The following EIF5B variants were observed in gnomAD, a reference collection of about 807,000 sequenced individuals.
EIF5B encodes eIF-5B.
Under a neutral mutation model 147.5 loss-of-function variants are expected in EIF5B, and 47 were observed. The ratio of observed to expected loss-of-function variants is 0.32; its 90% confidence interval spans 0.25 to 0.41. The LOEUF (loss-of-function observed/expected upper bound fraction) is 0.41. Among genes scored for constraint, EIF5B ranks in the 10% least tolerant of loss-of-function variants. The probability of loss-of-function intolerance (pLI) is 1.00; values close to 1 mark genes in which losing one functional copy is unlikely to be tolerated. For synonymous variants in EIF5B, 455 were observed against 456.2 expected (o/e 1.00, Z 0.03); for missense variants, 1,064 against 1,413.2 (o/e 0.75, Z 3.96).
chr2:99,381,518 G>GTGTGTGTGTGTGTGT (rs797002764), intron 12 of EIF5B, among the ~76,000 whole-genome samples: 23 of 143,074 alleles, frequency 1.6e-4, no homozygotes, highest in African/African-American at 4.4e-4. Context: ...ACAAAAAGGG[G>GTGTGTGTGTGTGTGT]GTGTGTGTGT....
At chr2:99,375,497 G>A (rs1215115476) in intron 9 of EIF5B, among the ~76,000 whole-genome samples, 2 of 152,206 alleles carry the variant, frequency 1.3e-5, no homozygotes, top group Admixed American at 6.5e-5. Flanking sequence ...GTAACCCAAT[G>A]TCTGCTCACT....
intron 8 of EIF5B, 61 bp downstream of exon 8, chr2:99,369,542 A>ATAAAC (rs1674399396): frequency 7.2e-6 from 10 of 1,390,068 alleles, no homozygotes; most frequent in Non-Finnish European, 9.9e-6. Flanking sequence ...TTGGTGTGTC[A>ATAAAC]TAAGTTGTCT....
chr2:99,364,467 A>G (rs376955817), intron 6 of EIF5B, 46 bp downstream of exon 6: 1 of 1,503,958 alleles, frequency 6.6e-7, no homozygotes, highest in African/African-American at 1.4e-5. Flanking sequence ...AGCTCTGCAC[A>G]TGCAGTTATA....
chr2:99,346,098 G>A (rs1445926476), intron 1 of EIF5B, among the ~76,000 whole-genome samples: 1 of 152,098 alleles, frequency 6.6e-6, no homozygotes, highest in Non-Finnish European at 1.5e-5. Context: ...TACCACCCTC[G>A]AGATTTCACA....
chr2:99,369,461 C>G lies in EIF5B; in HGVS notation c.1457C>G (p.Thr486Arg). 5 of 1,609,896 alleles carry G rather than the reference C, an allele frequency of 3.1e-6. No individual in the cohort carries two copies. The highest frequency in any genetic ancestry group is 4.2e-6 in the Non-Finnish European group (5 of 1,177,234). Residue 486 changes from threonine to arginine, a missense_variant, in exon 8 of 24, where the codon ACA (threonine) becomes AGA (arginine). Around this residue, in one of 4 missense-constraint regions of EIF5B, gnomAD observed 195 missense variants for 186.3 expected, o/e 1.05. Coordinates refer to ENST00000289371, the MANE Select transcript of EIF5B (RefSeq NM_015904.4). ...MEQGVPEKEE[T>R]PPPVEPEEEE... is the part of the protein sequence containing the mutation. ...CAAGGAGTACCAGAAAAGGAAGAGA[C>G]ACCACCTCCTGTTGAACCAGGCGGG...
At chr2:99,344,976 A>G (rs1165198576) in intron 1 of EIF5B, among the ~76,000 whole-genome samples, 2 of 152,224 alleles carry the variant, frequency 1.3e-5, no homozygotes, top group Admixed American at 6.5e-5. Flanking sequence ...AAACATTTAT[A>G]TCTTAAATAT....
chr2:99,346,720 G>A (rs1387150909), intron 1 of EIF5B, among the ~76,000 whole-genome samples: 2 of 138,222 alleles, frequency 1.4e-5, no homozygotes, highest in East Asian at 2.4e-4. Context: ...ACAGGCACCC[G>A]CCACCACGCC....
At chr2:99,359,361 T>C (rs1337063793) in intron 1 of EIF5B, among the ~76,000 whole-genome samples, 5 of 150,574 alleles carry the variant, frequency 3.3e-5, no homozygotes, top group African/African-American at 1.2e-4. Flanking sequence ...AGAGTGAGAG[T>C]CCGTCTCAAA....
In EIF5B at chr2:99,379,741, C is replaced by T. The variant is rs572645476; in HGVS notation, c.2061+313C>T. Among the ~76,000 whole-genome samples the T allele has an allele frequency of 5.9e-5, 9 of 152,074 alleles. No homozygotes were observed. In the East Asian group the frequency reaches 1.5e-3, roughly 26 times the overall value. On this transcript the variant is annotated intron_variant, in intron 12 of 23. Transcript: ENST00000289371. ...TCCCCATAATTTAAAATTTTGTTTC[C>T]TTCTCTACTCTTTTCCCCTTCTAAT...
chr2:99,390,632 G>C lies in EIF5B; in HGVS notation c.2675G>C (p.Gly892Ala). 4 of 1,612,982 alleles carry C rather than the reference G, an allele frequency of 2.5e-6. No homozygotes were observed. The highest frequency in any genetic ancestry group is 3.4e-6 in the Non-Finnish European group (4 of 1,179,104). The change falls in exon 17 of 24, where the codon GGA (glycine) becomes GCA (alanine). Residue 892 changes from glycine (G) to alanine (A), a missense_variant. By Grantham distance (60) the Gly-to-Ala change is moderately conservative (BLOSUM62 0). This residue lies in a region of EIF5B where 380 missense variants were observed against 715.6 expected (regional missense o/e 0.53). Coordinates refer to ENST00000289371, the MANE Select transcript of EIF5B (RefSeq NM_015904.4). ...LKEGDTIIVP[G>A]VEGPIVTQIR... ...GAAGGAGATACAATCATTGTTCCTG[G>C]AGTAGAAGGGCCCATTGTAACTCAG...
At position 99,382,763 on chromosome 2, in the gene EIF5B, T is replaced by C; in HGVS notation, c.2130-17T>C. The C allele has an allele frequency of 6.3e-7, 1 of 1,579,132 alleles. No homozygotes were observed. ...TCAAGATTTTCTACTTATAGATCTTTTCCTTCTTTTCAACAGTAATCTGAG... is the reference window on the plus strand; with the variant it reads ...TCAAGATTTTCTACTTATAGATCTTCTCCTTCTTTTCAACAGTAATCTGAG... On this transcript the variant is annotated splice_polypyrimidine_tract_variant and intron_variant, in intron 13 of 23. Coordinates refer to ENST00000289371, the MANE Select transcript of EIF5B (RefSeq NM_015904.4).
chr2:99,350,404 C>CT (rs1673918919), intron 1 of EIF5B, among the ~76,000 whole-genome samples: 1 of 151,852 alleles, frequency 6.6e-6, no homozygotes, highest in Non-Finnish European at 1.5e-5. Context: ...TTTCCCCCCA[C>CT]AGTATATAAT....
chr2:99,396,898 T>C lies in EIF5B; in HGVS notation c.3393T>C (p.Asn1131=), dbSNP rs1253093456. Residue 1131 remains asparagine, a splice_region_variant and synonymous_variant, in exon 22 of 24, where the codon AAT becomes AAC. Coordinates refer to ENST00000289371, the MANE Select transcript of EIF5B (RefSeq NM_015904.4). ...CACCCATGTGTGTCCCAAGCAAAAA[T>C]GTAAGTTCTAGTTGTACATTCTGTG... The part of the protein sequence containing the change: ...QGTPMCVPSK[N]FVDIGIVTSI... The C allele has an allele frequency of 6.3e-7, 1 of 1,596,230 alleles. No homozygotes were observed. Among genetic ancestry groups the C allele is most frequent in the Non-Finnish European group, 8.5e-7 (1 of 1,175,222 alleles).
intron 17 of EIF5B, among the ~76,000 whole-genome samples, chr2:99,392,708 C>A (rs930057514): frequency 6.6e-6 from 1 of 151,816 alleles, no homozygotes; most frequent in African/African-American, 2.4e-5. Flanking sequence ...TTTATATGCG[C>A]TTATATATTC....
chr2:99,353,434 CA>C (rs1674021420), intron 1 of EIF5B, among the ~76,000 whole-genome samples: 1 of 152,238 alleles, frequency 6.6e-6, no homozygotes, highest in Admixed American at 6.5e-5. Flanking sequence ...GCTGGGATTA[CA>C]GGCGTGAGCC....
intron 15 of EIF5B, 35 bp downstream of exon 15, chr2:99,389,884 C>G (rs1674887290): frequency 6.3e-7 from 1 of 1,582,758 alleles, no homozygotes; most frequent in African/African-American, 1.4e-5. Context: ...AAGAGCCTAT[C>G]TCAGAATATG....
chr2:99,363,127 A>G (rs1304743675), intron 4 of EIF5B, among the ~76,000 whole-genome samples: 2 of 152,176 alleles, frequency 1.3e-5, no homozygotes, highest in African/African-American at 4.8e-5. Flanking sequence ...AAGTACCTTC[A>G]TAGCTTTTAA....
chr2:99,399,059 T>C lies in EIF5B; in HGVS notation c.3555+150T>C, dbSNP rs1675135547. On this transcript the variant is annotated intron_variant, in intron 23 of 23. Coordinates refer to ENST00000289371, the MANE Select transcript of EIF5B (RefSeq NM_015904.4). ...TAGGGCTTGACCTCTAGCTGGGCCT[T>C]GTCTGTTGAGGAAGTTGCTCTATCA... is the stretch of plus-strand genomic sequence containing the variant. 5 of 988,762 alleles carry C rather than the reference T, an allele frequency of 5.1e-6. No individual in the cohort carries two copies. In the South Asian group the frequency reaches 8.7e-5, roughly 17 times the overall value. 61.2% of individuals were successfully genotyped at this position (988,762 alleles called of 1,614,324 possible).
At chr2:99,340,300 CTG>C (rs1176631146) in intron 1 of EIF5B, among the ~76,000 whole-genome samples, 1 of 152,166 alleles carries the variant, frequency 6.6e-6, no homozygotes, top group Non-Finnish European at 1.5e-5. Context: ...AAAACACAGA[CTG>C]GAAAGAAAAT....
Sources: gnomAD v4.1 joint callset for allele counts (sites outside exome capture counted in the v4.1 genomes callset) on GRCh38, gnomAD v4.1.1 for gene constraint, gnomAD v4.1.1 regional missense constraint, MANE v1.5 for transcripts, NCBI Gene and HGNC (gene_info 2026-07-23, HGNC 2026-07-21) for gene names.